ZC3H18: variants seen among roughly 807,000 people sequenced by gnomAD.
ZC3H18 encodes zinc finger CCCH-type containing 18, also known as zinc finger CCCH domain-containing protein 18.
In ZC3H18, 8 loss-of-function variants were observed where a neutral mutation model predicts 106.1. The observed-to-expected ratio is 0.08, with a 90% confidence interval of 0.04 to 0.14. ZC3H18 has a LOEUF of 0.14. Among genes scored for constraint, ZC3H18 ranks in the 10% least tolerant of loss-of-function variants. The pLI is 1.00. For missense variants in ZC3H18, 1,318 were observed against 1,278.4 expected (o/e 1.03, Z -0.47); for synonymous variants, 635 against 522.1 (o/e 1.22, Z -2.95).
intron 2 of ZC3H18, among the ~76,000 whole-genome samples, chr16:88,585,819 C>T (rs564339700): frequency 7.9e-5 from 12 of 152,022 alleles, no homozygotes; most frequent in South Asian, 2.1e-4. Context: ...CACATGGGAC[C>T]GGTGAGATTG....
Position 88,630,522 on chromosome 16 carries a change from C to A in ZC3H18, c.2604C>A (p.Ser868=), listed in dbSNP as rs1312995201. ...GGAAGTCAGGTGGGAGACTGGGCTC[C>A]CCGAAGCCAGAGCGGCAGAGAGGCC... ...RDRKSGGRLG[S]PKPERQRGQN... is the part of the protein sequence containing the mutation. Residue 868 remains serine, a synonymous_variant, in exon 17 of 18, where the codon TCC becomes TCA. Transcript: ENST00000301011. 2 of 1,613,236 alleles carry A rather than the reference C, an allele frequency of 1.2e-6. No homozygotes were observed. Among genetic ancestry groups the A allele is most frequent in the Non-Finnish European group, 1.7e-6 (2 of 1,179,914 alleles).
chr16:88,587,587 C>G (rs1915510263), intron 3 of ZC3H18: 16 of 1,535,984 alleles, frequency 1.0e-5, no homozygotes, highest in Non-Finnish European at 1.3e-5. Flanking sequence ...ATATCCAATT[C>G]CATACCATTC....
Position 88,628,828 on chromosome 16 carries a change from A to G in ZC3H18, c.2540A>G (p.Lys847Arg). The G allele has an allele frequency of 6.2e-7, 1 of 1,614,088 alleles. No homozygotes were observed. Among genetic ancestry groups the G allele is most frequent in the Non-Finnish European group, 8.5e-7 (1 of 1,179,980 alleles). The change falls in exon 16 of 18, where the codon AAG becomes AGG. Residue 847 changes from lysine (K) to arginine (R), a missense_variant. Physicochemically the swap from Lys to Arg is conservative, Grantham distance 26. This residue lies in a region of ZC3H18 where 848 missense variants were observed against 821.7 expected (regional missense o/e 1.03). Coordinates refer to ENST00000301011, the MANE Select transcript of ZC3H18 (RefSeq NM_144604.4). ...GACAGGCAGAGCCCTCCTCCAGCCA[A>G]GCGGCCCAACACATCCCCAGACCGA... ...DKDRQSPPPA[K>R]RPNTSPDRGS...
chr16:88,573,103 ATAAAAGTT>A, intron 1 of ZC3H18, among the ~76,000 whole-genome samples: 1 of 152,146 alleles, frequency 6.6e-6, no homozygotes, highest in Non-Finnish European at 1.5e-5. Context: ...TTAGTTTTGC[ATAAAAGTT>A]GGTTTATTTA....
chr16:88,587,219 G>A (rs1915490491), intron 3 of ZC3H18, among the ~76,000 whole-genome samples: 1 of 152,202 alleles, frequency 6.6e-6, no homozygotes, highest in Non-Finnish European at 1.5e-5. Context: ...AGGGGACAGT[G>A]TAAGAAAGTG....
At chr16:88,628,936 C>G in intron 16 of ZC3H18, 82 bp downstream of exon 16, 1 of 1,394,842 alleles carries the variant, frequency 7.2e-7, no homozygotes, top group Non-Finnish European at 1.0e-6. Flanking sequence ...GACCCCATTG[C>G]TCTTAACAAG....
intron 8 of ZC3H18, among the ~76,000 whole-genome samples, chr16:88,614,395 C>G (rs1905453038): frequency 6.6e-6 from 1 of 152,248 alleles, no homozygotes; most frequent in Non-Finnish European, 1.5e-5. Context: ...GACACCCGCT[C>G]TTGTGTACAG....
At position 88,631,382 on chromosome 16, in the gene ZC3H18, T is replaced by G. The variant is rs530003539; in HGVS notation, c.*83T>G. The G allele has an allele frequency of 6.7e-7, 1 of 1,497,980 alleles. No individual in the cohort carries two copies. Among genetic ancestry groups the G allele is most frequent in the South Asian group, 1.3e-5 (1 of 79,114 alleles). The allele number at this position is 1,497,980 out of a possible 1,614,324, so 92.8% of individuals were successfully genotyped here. ...GGATTTTGCAGTTAATGTCTTATTT[T>G]GGCTGTGATTCTTTTTAAAAAGTAA... On this transcript the variant is annotated 3_prime_UTR_variant, in exon 18 of 18. Transcript: ENST00000301011.
At chr16:88,582,221 T>TTC (rs1915177374) in intron 2 of ZC3H18, among the ~76,000 whole-genome samples, 1 of 92,676 alleles carries the variant, frequency 1.1e-5, no homozygotes. Context: ...TTTCTTTTCT[T>TTC]TTTTTTTTTT....
At position 88,577,251 on chromosome 16, in the gene ZC3H18, T is replaced by C. The variant is rs1050679192; in HGVS notation, c.128T>C (p.Val43Ala). The C allele has an allele frequency of 8.1e-6, 13 of 1,611,758 alleles. No homozygotes were observed. The highest frequency in any genetic ancestry group is 1.1e-5 in the Non-Finnish European group (13 of 1,179,228). ...GSDQDLDGAG[V>A]RASDLEDEES... is the part of the protein sequence containing the mutation. ...GATCAGGATTTGGACGGGGCGGGGG[T>C]GAGGGCTTCTGATCTGGAGGATGAG... The change falls in exon 2 of 18, where the codon GTG (valine) becomes GCG (alanine). Residue 43 changes from valine to alanine, a missense_variant. This residue lies in a region of ZC3H18 where 346 missense variants were observed against 269.0 expected (regional missense o/e 1.29). Coordinates refer to ENST00000301011, the MANE Select transcript of ZC3H18 (RefSeq NM_144604.4).
At position 88,598,513 on chromosome 16, in the gene ZC3H18, G is replaced by A. The variant is rs144425160; in HGVS notation, c.838-107G>A. 1.1e-4 allele frequency: 153 copies of A among 1,415,314 alleles called. 1 individual carries two copies. In the East Asian group the frequency reaches 3.3e-3, roughly 31 times the overall value. The allele number at this position is 1,415,314 out of a possible 1,614,324, so 87.7% of individuals were successfully genotyped here. On this transcript the variant is annotated intron_variant, in intron 4 of 17. Transcript: ENST00000301011. ...GAGTGAGGCTTGGTGGAAGGAGAGC[G>A]GCCACACACGGCCGGCTTGTGTTGT...
intron 1 of ZC3H18, among the ~76,000 whole-genome samples, chr16:88,574,451 C>T (rs1914611845): frequency 6.6e-6 from 1 of 151,840 alleles, no homozygotes; most frequent in South Asian, 2.1e-4. Flanking sequence ...TCGGATGATC[C>T]ACCTGCCTTG....
At position 88,580,187 on chromosome 16, in the gene ZC3H18, T is replaced by A. The variant is rs985039256; in HGVS notation, c.603+2461T>A. Among the ~76,000 whole-genome samples, 44 of 76,628 alleles carry A rather than the reference T, an allele frequency of 5.7e-4. No homozygotes were observed. In the East Asian group the frequency reaches 0.015, roughly 26 times the overall value. 50.3% of individuals were successfully genotyped at this position (76,628 alleles called of 152,430 possible). On this transcript the variant is annotated intron_variant, in intron 2 of 17. Transcript: ENST00000301011. The stretch of plus-strand genomic sequence containing the variant: ...GTGTGTGTGTGTGTGTGTGTGTGTG[T>A]GTGTGTGTGTGTGTGTGTGTGTATA...
intron 8 of ZC3H18, among the ~76,000 whole-genome samples, chr16:88,621,470 C>T (rs1030207657): frequency 1.3e-4 from 20 of 152,062 alleles, no homozygotes; most frequent in Non-Finnish European, 2.4e-4. Context: ...GTGATTCGCC[C>T]GCCTCGGCCT....
At chr16:88,599,986 T>C in intron 6 of ZC3H18, 38 bp downstream of exon 6, 1 of 1,608,620 alleles carries the variant, frequency 6.2e-7, no homozygotes, top group Admixed American at 1.7e-5. Flanking sequence ...GTTTCCTTCC[T>C]GCATGCGGCC....
intron 16 of ZC3H18, 69 bp from the exon 17 acceptor site, chr16:88,630,416 G>A (rs761261712): frequency 8.5e-5 from 110 of 1,293,954 alleles, no homozygotes; most frequent in Non-Finnish European, 1.1e-4. Flanking sequence ...CCCTGGCATC[G>A]GTGAGGCCAC....
chr16:88,572,461 T>G (rs981066401), intron 1 of ZC3H18, among the ~76,000 whole-genome samples: 2 of 151,920 alleles, frequency 1.3e-5, no homozygotes, highest in African/African-American at 4.8e-5. Context: ...GAGTTTTTTG[T>G]CATGTATTCA....
At chr16:88,594,393 A>G (rs781399127) in intron 3 of ZC3H18, among the ~76,000 whole-genome samples, 1 of 152,244 alleles carries the variant, frequency 6.6e-6, no homozygotes, top group Non-Finnish European at 1.5e-5. Flanking sequence ...ATTGATATTT[A>G]CTGTATTCAA....
intron 2 of ZC3H18, among the ~76,000 whole-genome samples, chr16:88,585,008 A>G (rs1056278669): frequency 3.9e-5 from 6 of 152,260 alleles, no homozygotes; most frequent in Non-Finnish European, 7.3e-5. Context: ...GAGCTTACAT[A>G]GAATACCACG....
Sources: allele counts gnomAD v4.1 joint callset (sites outside exome capture counted in the v4.1 genomes callset), GRCh38; gene constraint gnomAD v4.1.1; regional missense constraint gnomAD v4.1.1; transcripts MANE v1.5; gene names NCBI Gene and HGNC (gene_info 2026-07-23, HGNC 2026-07-21).